BICRAL: variants seen among roughly 807,000 people sequenced by gnomAD.
The protein encoded by BICRAL is BICRA like chromatin remodeling complex associated protein.
Under a neutral mutation model 91.8 loss-of-function variants are expected in BICRAL, and 8 were observed. That is an observed-to-expected ratio of 0.09 (90% confidence interval 0.05 to 0.16). The LOEUF (loss-of-function observed/expected upper bound fraction) is 0.16, where lower values mean the gene tolerates loss of function less well. Among genes scored for constraint, BICRAL ranks in the 10% least tolerant of loss-of-function variants. The pLI, the probability that BICRAL is intolerant of heterozygous loss-of-function variation, is 1.00. For synonymous variants in BICRAL, 445 were observed against 491.1 expected (o/e 0.91, Z 1.24); for missense variants, 1,038 against 1,310.9 (o/e 0.79, Z 3.21).
intron 10 of BICRAL, among the ~76,000 whole-genome samples, chr6:42,858,850 A>G (rs1035137683): frequency 1.3e-5 from 2 of 152,108 alleles, no homozygotes; most frequent in African/African-American, 4.8e-5. Context: ...AATAATTTAG[A>G]GATAAGAGCC....
chr6:42,803,114 CTT>C (rs1426698998), intron 1 of BICRAL, among the ~76,000 whole-genome samples: 1 of 152,170 alleles, frequency 6.6e-6, no homozygotes, highest in Non-Finnish European at 1.5e-5. Context: ...ACTTCCGAGT[CTT>C]TTAATGAACC....
rs1340907935 is a variant in BICRAL at position 42,829,218 on chromosome 6, C to T, written c.885C>T (p.Asn295=). The change falls in exon 6 of 13, where the codon AAC becomes AAT. Residue 295 remains asparagine (N), a synonymous_variant. Coordinates refer to ENST00000314073, the MANE Select transcript of BICRAL (RefSeq NM_001393499.1). ...TNFQTSLPVH[N]IIIQRGLAPN... is the part of the protein sequence containing the mutation. ...TTCAAACATCTTTACCTGTGCATAA[C>T]ATCATCATACAAAGGGGTCTTGCAC... 1 of 1,614,124 alleles carries T rather than the reference C, an allele frequency of 6.2e-7. No homozygotes were observed.
At chr6:42,780,861 C>G (rs1762889443), upstream of BICRAL, among the ~76,000 whole-genome samples, 2 of 151,946 alleles carry the variant, frequency 1.3e-5, no homozygotes, top group Middle Eastern at 3.2e-3. Context: ...CTCAGCCTCC[C>G]GAGTAGCTGG....
chr6:42,840,001 T>G (rs1196775905), intron 6 of BICRAL, among the ~76,000 whole-genome samples: 1 of 152,172 alleles, frequency 6.6e-6, no homozygotes, highest in East Asian at 1.9e-4. Flanking sequence ...AATTCAAAAG[T>G]CAGTTGCTAA....
At chr6:42,801,883 A>C (rs560685125) in intron 1 of BICRAL, among the ~76,000 whole-genome samples, 2 of 129,920 alleles carry the variant, frequency 1.5e-5, no homozygotes, top group Admixed American at 1.5e-4. Context: ...ACTCCATCTC[A>C]AAAAAAATAA....
intron 1 of BICRAL, among the ~76,000 whole-genome samples, chr6:42,791,278 T>C (rs1763265700): frequency 6.6e-6 from 1 of 152,214 alleles, no homozygotes. Context: ...AAGTTACGAT[T>C]TGTTTACTTA....
intron 11 of BICRAL, among the ~76,000 whole-genome samples, chr6:42,861,924 G>C (rs1217541488): frequency 6.6e-6 from 1 of 152,292 alleles, no homozygotes; most frequent in East Asian, 1.9e-4. Flanking sequence ...GCTTGAATCT[G>C]GGAGGTGAAG....
chr6:42,853,786 A>T, intron 8 of BICRAL, 48 bp downstream of exon 8: 3 of 1,317,186 alleles, frequency 2.3e-6, no homozygotes, highest in Non-Finnish European at 3.3e-6. Flanking sequence ...GCATAATTGA[A>T]TGAAAATGTA....
intron 6 of BICRAL, among the ~76,000 whole-genome samples, chr6:42,839,852 T>G (rs1012410697): frequency 6.6e-6 from 1 of 152,214 alleles, no homozygotes; most frequent in Non-Finnish European, 1.5e-5. Context: ...CCTTGCTTTG[T>G]GTCACAAGAC....
At chr6:42,770,937 C>G (rs144746938) in intron 1 of BICRAL, among the ~76,000 whole-genome samples, 1 of 152,168 alleles carries the variant, frequency 6.6e-6, no homozygotes, top group Non-Finnish European at 1.5e-5. Flanking sequence ...CTGCCTCGGC[C>G]TTACAAAGTG....
intron 6 of BICRAL, among the ~76,000 whole-genome samples, chr6:42,839,800 G>T (rs1376852890): frequency 2.0e-5 from 3 of 152,028 alleles, no homozygotes; most frequent in Admixed American, 6.6e-5. Context: ...GTTTGAGCTG[G>T]CTCCTATACT....
In BICRAL at chr6:42,829,320, C is replaced by T; in HGVS notation, c.987C>T (p.Asn329=). ...QMGQQNTYNV[N]NLGIQQHHVQ... ...GTCAGCAAAATACATACAATGTGAACAATTTGGGAATTCAGCAGCACCACG... is the reference window on the plus strand; with the variant it reads ...GTCAGCAAAATACATACAATGTGAATAATTTGGGAATTCAGCAGCACCACG... The change falls in exon 6 of 13, where the codon AAC becomes AAT. Residue 329 remains asparagine (N), a synonymous_variant. Coordinates refer to ENST00000314073, the MANE Select transcript of BICRAL (RefSeq NM_001393499.1). 6.2e-7 allele frequency: 1 copy of T among 1,614,164 alleles called. No individual in the cohort carries two copies. Among genetic ancestry groups the T allele is most frequent in the Non-Finnish European group, 8.5e-7 (1 of 1,180,030 alleles).
intron 6 of BICRAL, among the ~76,000 whole-genome samples, chr6:42,845,221 T>G (rs1339360379): frequency 5.5e-4 from 45 of 81,738 alleles, no homozygotes; most frequent in African/African-American, 2.5e-3. Context: ...TTTTTTTTTT[T>G]TTTTTTTTTT....
rs1459866024 is a variant in BICRAL at position 42,828,978 on chromosome 6, A to G, written c.645A>G (p.Leu215=). 1 of 1,614,092 alleles carries G rather than the reference A, an allele frequency of 6.2e-7. No individual in the cohort carries two copies. Among genetic ancestry groups the G allele is most frequent in the Admixed American group, 1.7e-5 (1 of 60,012 alleles). The change falls in exon 6 of 13, where the codon TTA becomes TTG. Residue 215 remains leucine (L), a synonymous_variant. Coordinates refer to ENST00000314073, the MANE Select transcript of BICRAL (RefSeq NM_001393499.1). ...TTAGTGGTTCTGGTCAAATACAGTT[A>G]ATTGGGTCATTTGGTAATCATCCTT... ...SQISGSGQIQ[L]IGSFGNHPSM...
At chr6:42,811,481 C>T (rs1397862271) in intron 2 of BICRAL, among the ~76,000 whole-genome samples, 1 of 152,114 alleles carries the variant, frequency 6.6e-6, no homozygotes, top group South Asian at 2.1e-4. Context: ...ATTAGCTGGG[C>T]GTGGTGGCGC....
At position 42,757,396 on chromosome 6, in the gene BICRAL, C is replaced by T. The variant is rs551015888; in HGVS notation, c.-261+10373C>T. Reference sequence around the variant, plus strand: ...CCTCCTGAGTAGCTGAGACTATAGGCGCCTGCCACAACGCCCCAGCTAATT... The same window carrying T: ...CCTCCTGAGTAGCTGAGACTATAGGTGCCTGCCACAACGCCCCAGCTAATT... On this transcript the variant is annotated intron_variant, in intron 1 of 14. Coordinates refer to the BICRAL transcript ENST00000614467. Among the ~76,000 whole-genome samples, 9 of 152,132 alleles carry T rather than the reference C, an allele frequency of 5.9e-5. No individual in the cohort carries two copies. In the South Asian group the frequency reaches 1.9e-3, roughly 32 times the overall value.
At chr6:42,808,372 C>T (rs755483164) in intron 1 of BICRAL, among the ~76,000 whole-genome samples, 51 of 152,204 alleles carry the variant, frequency 3.4e-4, no homozygotes, top group Non-Finnish European at 6.0e-4. Context: ...CTCAGGTGAT[C>T]GCCTGCCTCA....
intron 10 of BICRAL, among the ~76,000 whole-genome samples, chr6:42,859,403 A>C (rs973407644): frequency 2.0e-5 from 3 of 151,394 alleles, no homozygotes; most frequent in East Asian, 1.9e-4. Flanking sequence ...AAAAAAAAAA[A>C]CCCACAGTGG....
At chr6:42,766,382 C>T (rs1034502388) in intron 1 of BICRAL, among the ~76,000 whole-genome samples, 1 of 151,788 alleles carries the variant, frequency 6.6e-6, no homozygotes, top group Non-Finnish European at 1.5e-5. Flanking sequence ...GATGCTGACT[C>T]TTTTGAAAGA....
Sources: gnomAD v4.1 joint callset for allele counts (sites outside exome capture counted in the v4.1 genomes callset) on GRCh38, gnomAD v4.1.1 for gene constraint, MANE v1.5 for transcripts, NCBI Gene and HGNC (gene_info 2026-07-23, HGNC 2026-07-21) for gene names.